LHPP: variants seen among roughly 807,000 people sequenced by gnomAD.
The protein encoded by LHPP is hLHPP.
In LHPP, 24 loss-of-function variants were observed where a neutral mutation model predicts 30.3. The observed-to-expected ratio is 0.79, with a 90% CI of 0.57 to 1.11. The LOEUF (loss-of-function observed/expected upper bound fraction) is 1.11. Ranked by LOEUF, LHPP falls within the 50% of genes most tolerant of loss-of-function variation. LHPP has a pLI of 0.00. For synonymous variants in LHPP, 150 were observed against 157.1 expected (o/e 0.95, Z 0.34); for missense variants, 356 against 367.2 (o/e 0.97, Z 0.25).
intron 6 of LHPP, among the ~76,000 whole-genome samples, chr10:124,556,686 A>T (rs1047705721): frequency 1.6e-4 from 25 of 152,174 alleles, no homozygotes; most frequent in Middle Eastern, 3.2e-3. Context: ...AACAAATAAC[A>T]CCGAGGACTA....
chr10:124,611,360 C>T (rs1482952336), intron 6 of LHPP, among the ~76,000 whole-genome samples: 2 of 152,078 alleles, frequency 1.3e-5, no homozygotes, highest in African/African-American at 2.4e-5. Flanking sequence ...GAGCTGTTTC[C>T]TCACCTGTTC....
intron 6 of LHPP, among the ~76,000 whole-genome samples, chr10:124,568,073 C>T (rs1948521509): frequency 6.6e-6 from 1 of 151,910 alleles, no homozygotes; most frequent in Non-Finnish European, 1.5e-5. Context: ...GCCACCACGC[C>T]CGGCTAATTT....
At chr10:124,534,432 T>C (rs1223888328) in intron 6 of LHPP, among the ~76,000 whole-genome samples, 4 of 152,222 alleles carry the variant, frequency 2.6e-5, no homozygotes, top group Non-Finnish European at 4.4e-5. Context: ...GAGGACGGCT[T>C]AGACGGGAGG....
At chr10:124,561,662 G>C (rs946658304) in intron 6 of LHPP, among the ~76,000 whole-genome samples, 2 of 151,672 alleles carry the variant, frequency 1.3e-5, no homozygotes, top group African/African-American at 4.8e-5. Context: ...TGTCAGCAGA[G>C]GCCAAGTGGG....
In LHPP at chr10:124,496,864, C is replaced by G. The variant is rs1048856370; in HGVS notation, c.468-97C>G. On this transcript the variant is annotated intron_variant, in intron 3 of 6. Transcript: ENST00000368842. The surrounding 1 kb of genome is among the most constrained non-coding windows in gnomAD (Gnocchi z 4.3). ...CCTCAGCCGCGGCTTGGCTCTGCAG[C>G]CAGCGGGACAGGCCCGGTGCTCAGC... The G allele has an allele frequency of 6.9e-5, 75 of 1,094,160 alleles. No individual in the cohort carries two copies. The highest frequency in any genetic ancestry group is 9.2e-5 in the Non-Finnish European group (68 of 742,888). The allele number at this position is 1,094,160 out of a possible 1,614,324, so 67.8% of individuals were successfully genotyped here.
intron 6 of LHPP, among the ~76,000 whole-genome samples, chr10:124,549,942 G>A (rs1269209035): frequency 6.6e-6 from 1 of 152,270 alleles, no homozygotes; most frequent in Non-Finnish European, 1.5e-5. Context: ...GAAGCACCTG[G>A]CATGGTAATC....
chr10:124,471,388 T>TTA (rs554174193), intron 1 of LHPP, among the ~76,000 whole-genome samples: 24 of 77,718 alleles, frequency 3.1e-4, no homozygotes, highest in Non-Finnish European at 5.0e-4. Context: ...AACTCCAAAA[T>TTA]TATATATATA....
chr10:124,542,316 TTA>T (rs1955215981), intron 6 of LHPP, among the ~76,000 whole-genome samples: 1 of 152,172 alleles, frequency 6.6e-6, no homozygotes, highest in Non-Finnish European at 1.5e-5. Context: ...TATCCAGCAC[TTA>T]TGTGTTTACA....
chr10:124,560,248 A>G (rs948656896), intron 6 of LHPP, among the ~76,000 whole-genome samples: 12 of 152,266 alleles, frequency 7.9e-5, no homozygotes, highest in African/African-American at 2.9e-4. Flanking sequence ...ATTATAAACA[A>G]TCAAAAAGAA....
At chr10:124,544,308 G>A (rs1181408700) in intron 6 of LHPP, among the ~76,000 whole-genome samples, 3 of 152,258 alleles carry the variant, frequency 2.0e-5, no homozygotes, top group Non-Finnish European at 4.4e-5. Flanking sequence ...GGAACCAGGG[G>A]TGGGAGGGAC....
At chr10:124,502,987 T>C (rs938655730) in intron 5 of LHPP, among the ~76,000 whole-genome samples, 1 of 151,514 alleles carries the variant, frequency 6.6e-6, no homozygotes, top group Non-Finnish European at 1.5e-5. Context: ...CTAATAAGTA[T>C]CTTGTGGGAA....
At chr10:124,526,564 ATAG>A (rs1199650383) in intron 6 of LHPP, among the ~76,000 whole-genome samples, 1 of 152,178 alleles carries the variant, frequency 6.6e-6, no homozygotes, top group Non-Finnish European at 1.5e-5. Context: ...TCACAAAACA[ATAG>A]TAGCCAGTGT....
chr10:124,499,455 C>T (rs1431320894), intron 5 of LHPP, among the ~76,000 whole-genome samples: 1 of 151,716 alleles, frequency 6.6e-6, no homozygotes, highest in Non-Finnish European at 1.5e-5. Flanking sequence ...ACCAGCCTGG[C>T]CAATGTGATG....
chr10:124,537,818 G>T (rs925576149), intron 6 of LHPP, among the ~76,000 whole-genome samples: 3 of 152,238 alleles, frequency 2.0e-5, no homozygotes, highest in African/African-American at 7.2e-5. Context: ...AGGCTGCATG[G>T]ACACAAGCTG....
chr10:124,608,120 G>A (rs991676934), intron 6 of LHPP, among the ~76,000 whole-genome samples: 6 of 152,130 alleles, frequency 3.9e-5, no homozygotes, highest in African/African-American at 1.4e-4. Context: ...CAGGTCTGCT[G>A]GGACTCCAGG....
intron 5 of LHPP, among the ~76,000 whole-genome samples, chr10:124,499,615 C>T (rs992223509): frequency 6.6e-6 from 1 of 151,942 alleles, no homozygotes; most frequent in African/African-American, 2.4e-5. Context: ...GAGATCATGC[C>T]ACTGCACTCC....
intron 6 of LHPP, among the ~76,000 whole-genome samples, chr10:124,602,136 G>A (rs1205781271): frequency 2.6e-5 from 4 of 152,200 alleles, no homozygotes; most frequent in African/African-American, 9.7e-5. Context: ...TGCCCCACGT[G>A]CCCAGGGAGG....
intron 6 of LHPP, among the ~76,000 whole-genome samples, chr10:124,602,422 C>G (rs1949035827): frequency 6.6e-6 from 1 of 152,244 alleles, no homozygotes; most frequent in African/African-American, 2.4e-5. Flanking sequence ...GCTAGAGGAG[C>G]CTCACCTGCA....
rs560442574 is a variant in LHPP at position 124,468,688 on chromosome 10, C to T, written c.125+6701C>T. Among the ~76,000 whole-genome samples the T allele has an allele frequency of 1.3e-4, 20 of 152,344 alleles. No homozygotes were observed. In the East Asian group the frequency reaches 1.9e-3, roughly 15 times the overall value. On this transcript the variant is annotated intron_variant, in intron 1 of 6. Transcript: ENST00000368842. Reference sequence around the variant, plus strand: ...TGTCCAGCACCCACAAACCTGTTTCCGCCCACACCAGCGTGCCCTTCGGCT... The same window carrying T: ...TGTCCAGCACCCACAAACCTGTTTCTGCCCACACCAGCGTGCCCTTCGGCT...
Sources: allele counts gnomAD v4.1 joint callset (sites outside exome capture counted in the v4.1 genomes callset), GRCh38; gene constraint gnomAD v4.1.1; non-coding constraint Gnocchi (gnomAD v3.1); transcripts MANE v1.5; gene names NCBI Gene and HGNC (gene_info 2026-07-23, HGNC 2026-07-21).